Variants in GNG7 observed in about 807,000 individuals in gnomAD.
The protein encoded by GNG7 is G protein subunit gamma 7, also known as guanine nucleotide-binding protein G(I)/G(S)/G(O) subunit gamma-7.
GNG7 carries 1 observed loss-of-function variant against 4.0 expected under a neutral mutation model. That is an observed-to-expected ratio of 0.25 (90% CI 0.09 to 1.18). GNG7 has a LOEUF of 1.18. Ranked by LOEUF, GNG7 falls within the 50% of genes most tolerant of loss-of-function variation. The pLI is 0.50. For missense variants in GNG7, 86 were observed against 91.9 expected (o/e 0.94, Z 0.26); for synonymous variants, 34 against 36.9 (o/e 0.92, Z 0.29).
At chr19:2,689,650 C>CTA (rs1913089322) in intron 1 of GNG7, among the ~76,000 whole-genome samples, 3 of 116,972 alleles carry the variant, frequency 2.6e-5, no homozygotes, top group Non-Finnish European at 5.2e-5. Context: ...AAAAAAAAAA[C>CTA]CATATTCGAT....
chr19:2,521,305 C>A (rs1277964166), intron 3 of GNG7, among the ~76,000 whole-genome samples: 3 of 152,022 alleles, frequency 2.0e-5, no homozygotes. Context: ...AGGGCAAAGG[C>A]AATAGGCCAG....
chr19:2,531,758 G>A (rs1313953036), intron 3 of GNG7, among the ~76,000 whole-genome samples: 3 of 140,454 alleles, frequency 2.1e-5, no homozygotes, highest in African/African-American at 5.5e-5. Context: ...GTAACAGAGC[G>A]AGACTCCGTC....
At chr19:2,553,632 A>G (rs1010106021) in intron 3 of GNG7, among the ~76,000 whole-genome samples, 6 of 102,764 alleles carry the variant, frequency 5.8e-5, no homozygotes, top group African/African-American at 1.8e-4. Flanking sequence ...TGCACACGTT[A>G]CATGTAATAT....
chr19:2,664,179 C>T (rs965346740), intron 1 of GNG7, among the ~76,000 whole-genome samples: 39 of 152,304 alleles, frequency 2.6e-4, no homozygotes, highest in Non-Finnish European at 4.3e-4. Flanking sequence ...TCCCTTCCCA[C>T]GCTGACATTC....
At chr19:2,574,990 G>A (rs1246208678) in intron 2 of GNG7, among the ~76,000 whole-genome samples, 1 of 152,170 alleles carries the variant, frequency 6.6e-6, no homozygotes. Flanking sequence ...TAGGCTTAGG[G>A]GCACAATGGT....
intron 1 of GNG7, among the ~76,000 whole-genome samples, chr19:2,657,432 C>T (rs1407272317): frequency 1.8e-5 from 2 of 113,024 alleles, no homozygotes; most frequent in African/African-American, 7.7e-5. Flanking sequence ...AAAAGAGAAA[C>T]AGTACAAAGG....
intron 2 of GNG7, among the ~76,000 whole-genome samples, chr19:2,630,224 GC>G (rs907179653): frequency 2.0e-5 from 3 of 152,002 alleles, no homozygotes; most frequent in African/African-American, 7.2e-5. Context: ...CCGAACGCAG[GC>G]CCCCCCTTCC....
intron 4 of GNG7, among the ~76,000 whole-genome samples, chr19:2,516,203 C>T (rs920571479): frequency 6.6e-6 from 1 of 151,978 alleles, no homozygotes; most frequent in Non-Finnish European, 1.5e-5. Context: ...GGGGATGGAG[C>T]AAGACCCTGT....
chr19:2,553,609 CAT>C (rs967819747), intron 3 of GNG7, among the ~76,000 whole-genome samples: 30 of 146,332 alleles, frequency 2.1e-4, no homozygotes, highest in African/African-American at 7.2e-4. Flanking sequence ...TGCAATATAT[CAT>C]ACTACATACA....
chr19:2,689,813 C>T (rs1477976256), intron 1 of GNG7, among the ~76,000 whole-genome samples: 2 of 151,956 alleles, frequency 1.3e-5, no homozygotes, highest in African/African-American at 2.4e-5. Context: ...ATAAAGCGTG[C>T]GAGATGGACT....
intron 1 of GNG7, among the ~76,000 whole-genome samples, chr19:2,671,198 C>T (rs548972490): frequency 2.0e-5 from 3 of 152,148 alleles, no homozygotes; most frequent in African/African-American, 2.4e-5. Context: ...TTAACTGTGA[C>T]GACCACAAAT....
intron 2 of GNG7, among the ~76,000 whole-genome samples, chr19:2,587,414 T>C (rs906992600): frequency 1.3e-5 from 2 of 152,102 alleles, no homozygotes; most frequent in Admixed American, 1.3e-4. Context: ...CAATGTCTTC[T>C]GATGAGAATC....
chr19:2,585,752 G>A (rs10421366), intron 2 of GNG7, among the ~76,000 whole-genome samples: 25,449 of 152,128 alleles, frequency 0.17, 2,237 homozygotes, highest in African/African-American at 0.19. Context: ...CCAGGCTGGA[G>A]TGCAGTGGCG....
intron 2 of GNG7, among the ~76,000 whole-genome samples, chr19:2,580,344 G>A (rs1755751705): frequency 6.6e-6 from 1 of 150,510 alleles, no homozygotes; most frequent in African/African-American, 2.4e-5. Context: ...AGGCTGGAGT[G>A]CAGTGGTGTG....
rs185324198 is a variant in GNG7 at position 2,677,435 on chromosome 19, G to A, written c.-135+25211C>T. ...CTGATCAGAACCTTGCAGTGGCCAG[G>A]ACAACCCCACCCCAGAGAACGACCC... On this transcript the variant is annotated intron_variant, in intron 1 of 4. Coordinates refer to ENST00000382159, the MANE Select transcript of GNG7 (RefSeq NM_052847.3). Among the ~76,000 whole-genome samples, 1,078 of 152,098 alleles carry A rather than the reference G, an allele frequency of 7.1e-3. 12 individuals are homozygous for A. The highest frequency in any genetic ancestry group is 0.024 in the African/African-American group (1,013 of 41,486).
At chr19:2,594,841 G>C (rs1980965607) in intron 2 of GNG7, among the ~76,000 whole-genome samples, 1 of 152,150 alleles carries the variant, frequency 6.6e-6, no homozygotes, top group Non-Finnish European at 1.5e-5. Flanking sequence ...TTAATGGCCC[G>C]GCGTGGTGGC....
intron 1 of GNG7, among the ~76,000 whole-genome samples, chr19:2,654,862 C>G (rs892015592): frequency 2.0e-5 from 3 of 152,180 alleles, no homozygotes; most frequent in African/African-American, 7.2e-5. Context: ...AAGCAGCATC[C>G]CTGGCCTCCA....
At chr19:2,668,881 T>A (rs1356095629) in intron 1 of GNG7, among the ~76,000 whole-genome samples, 1 of 151,998 alleles carries the variant, frequency 6.6e-6, no homozygotes, top group Non-Finnish European at 1.5e-5. Flanking sequence ...GCCTCCATCC[T>A]CTCTATGCTG....
At chr19:2,540,987 A>C (rs1305943394) in intron 3 of GNG7, among the ~76,000 whole-genome samples, 1 of 152,244 alleles carries the variant, frequency 6.6e-6, no homozygotes, top group African/African-American at 2.4e-5. Context: ...CAGCCGGTGG[A>C]GGCTTCTGAG....
Sources: allele counts gnomAD v4.1 joint callset (sites outside exome capture counted in the v4.1 genomes callset), GRCh38; gene constraint gnomAD v4.1.1; transcripts MANE v1.5; gene names NCBI Gene and HGNC (gene_info 2026-07-23, HGNC 2026-07-21).